Variants in ROBO2 observed in about 807,000 individuals in gnomAD.
ROBO2 encodes the protein roundabout homolog 2.
A neutral mutation model predicts 160.8 loss-of-function variants in ROBO2; 53 were observed. The ratio of observed to expected loss-of-function variants is 0.33; its 90% CI spans 0.26 to 0.41. The LOEUF is 0.41. Ranked by LOEUF, ROBO2 falls within the 10% of genes least tolerant of loss-of-function variation. ROBO2 has a pLI of 1.00. For missense variants in ROBO2, 1,577 were observed against 1,722.4 expected, an observed-to-expected ratio of 0.92 and a Z score of 1.49; for synonymous variants, 664 against 611.7, an observed-to-expected ratio of 1.09 and a Z score of -1.26.
At position 76,448,885 on chromosome 3, in the gene ROBO2, A is replaced by G. The variant is rs559010249; in HGVS notation, c.109+511283A>G. On this transcript the variant is annotated intron_variant, in intron 2 of 26. Transcript: ENST00000487694. ...GTGGTGGGATCACTAGTGAAATACAAGTCTAAATCACTGCATCCCTATTCA... is the reference window on the plus strand; with the variant it reads ...GTGGTGGGATCACTAGTGAAATACAGGTCTAAATCACTGCATCCCTATTCA... Among the ~76,000 whole-genome samples the G allele has an allele frequency of 2.6e-5, 4 of 152,260 alleles. No homozygotes were observed. The East Asian group carries it at 7.7e-4, about 29-fold the overall frequency.
intron 2 of ROBO2, among the ~76,000 whole-genome samples, chr3:77,213,866 G>T (rs919841227): frequency 6.6e-6 from 1 of 151,982 alleles, no homozygotes; most frequent in Non-Finnish European, 1.5e-5. Flanking sequence ...CAGGTTGTTT[G>T]GTTTCCATGT....
intron 6 of ROBO2, among the ~76,000 whole-genome samples, chr3:77,533,382 A>C (rs2091888641): frequency 6.6e-6 from 1 of 152,176 alleles, no homozygotes; most frequent in South Asian, 2.1e-4. Flanking sequence ...TATAGGTCCC[A>C]AATGCAGGCA....
chr3:77,322,875 G>GTATTATAATATATTATA lies in ROBO2; in HGVS notation c.389-154537_389-154536insTTATAATATATTATATA, dbSNP rs2064901807. Among the ~76,000 whole-genome samples, 5 of 49,814 alleles carry GTATTATAATATATTATA rather than the reference G, an allele frequency of 1.0e-4. 2 individuals are homozygous for GTATTATAATATATTATA. Among genetic ancestry groups the GTATTATAATATATTATA allele is most frequent in the Non-Finnish European group, 1.6e-4 (4 of 24,874 alleles). 32.7% of individuals were successfully genotyped at this position (49,814 alleles called of 152,430 possible). The stretch of plus-strand genomic sequence containing the variant: ...ATACATATGTATTATAATATATTAT[G>GTATTATAATATATTATA]TAATATATTATATTATACATATATT... On this transcript the variant is annotated intron_variant, in intron 2 of 25. Coordinates refer to ENST00000461745, the Ensembl canonical transcript of ROBO2.
intron 2 of ROBO2, among the ~76,000 whole-genome samples, chr3:76,449,014 G>A (rs531873362): frequency 6.6e-6 from 1 of 152,058 alleles, no homozygotes; most frequent in South Asian, 2.1e-4. Context: ...AAGGAAAAAC[G>A]GAAATATAAA....
At chr3:76,412,962 C>G (rs1203379263) in intron 2 of ROBO2, among the ~76,000 whole-genome samples, 1 of 152,190 alleles carries the variant, frequency 6.6e-6, no homozygotes, top group African/African-American at 2.4e-5. Flanking sequence ...GAGGGCCCCA[C>G]CAGGTGTTGC....
intron 2 of ROBO2, among the ~76,000 whole-genome samples, chr3:77,458,970 C>T (rs920931708): frequency 3.3e-5 from 5 of 152,136 alleles, no homozygotes; most frequent in African/African-American, 1.2e-4. Context: ...AACCTGCCCA[C>T]CTCACAGGGT....
chr3:76,985,638 G>A (rs2060339874), intron 2 of ROBO2, among the ~76,000 whole-genome samples: 1 of 140,378 alleles, frequency 7.1e-6, no homozygotes, highest in African/African-American at 2.7e-5. Flanking sequence ...AAAAAACGGA[G>A]CAGTTCATTT....
chr3:76,165,058 TA>T (rs201175336), intron 2 of ROBO2, among the ~76,000 whole-genome samples: 1 of 7,072 alleles, frequency 1.4e-4, no homozygotes, highest in African/African-American at 1.5e-4. Context: ...ACAGTCTACA[TA>T]TTTTTTTTTT....
intron 2 of ROBO2, among the ~76,000 whole-genome samples, chr3:76,475,708 GT>G (rs1177388106): frequency 6.6e-6 from 1 of 152,150 alleles, no homozygotes; most frequent in Non-Finnish European, 1.5e-5. Context: ...CTAAGAAGAC[GT>G]GAAGTAACCT....
At chr3:76,068,390 C>T (rs1425902146) in intron 2 of ROBO2, among the ~76,000 whole-genome samples, 3 of 152,104 alleles carry the variant, frequency 2.0e-5, no homozygotes, top group African/African-American at 7.2e-5. Flanking sequence ...CCAGCCATAC[C>T]TTATGATCTG....
chr3:76,892,574 G>A (rs1459651294), intron 2 of ROBO2, among the ~76,000 whole-genome samples: 1 of 152,040 alleles, frequency 6.6e-6, no homozygotes, highest in Non-Finnish European at 1.5e-5. Context: ...CTGGTCCAAC[G>A]TAACGAACAC....
chr3:76,435,141 G>T (rs1185232976), intron 2 of ROBO2: 9 of 993,842 alleles, frequency 9.1e-6, no homozygotes, highest in South Asian at 2.5e-5. Flanking sequence ...GCTTGGTCTG[G>T]TATTTGATGA....
chr3:76,818,916 C>A (rs1173136198), intron 2 of ROBO2, among the ~76,000 whole-genome samples: 1 of 151,930 alleles, frequency 6.6e-6, no homozygotes, highest in African/African-American at 2.4e-5. Context: ...GTTCTTTTTG[C>A]TTAGTCTTGC....
chr3:76,158,997 G>A (rs981155296), intron 2 of ROBO2, among the ~76,000 whole-genome samples: 6 of 152,142 alleles, frequency 3.9e-5, no homozygotes, highest in African/African-American at 1.4e-4. Flanking sequence ...AGAATTATAA[G>A]TGCAGAATGC....
chr3:76,784,841 A>G (rs1313327297), intron 2 of ROBO2, among the ~76,000 whole-genome samples: 1 of 151,134 alleles, frequency 6.6e-6, no homozygotes, highest in Non-Finnish European at 1.5e-5. Flanking sequence ...TGATTCCCTC[A>G]GTGTCCTGGG....
chr3:75,994,752 A>G (rs1559814479), intron 2 of ROBO2, among the ~76,000 whole-genome samples: 2 of 152,222 alleles, frequency 1.3e-5, no homozygotes, highest in East Asian at 3.9e-4. Context: ...ACTGAGTAAT[A>G]GGCAGAAGTT....
chr3:76,715,656 G>A (rs937177369), intron 2 of ROBO2, among the ~76,000 whole-genome samples: 16 of 152,204 alleles, frequency 1.1e-4, no homozygotes, highest in African/African-American at 3.9e-4. Context: ...AACTACTAAA[G>A]GTCAGAGCCA....
chr3:76,269,807 T>C (rs1707322910), intron 2 of ROBO2, among the ~76,000 whole-genome samples: 1 of 151,996 alleles, frequency 6.6e-6, no homozygotes, highest in Admixed American at 6.6e-5. Flanking sequence ...AAATCAATAC[T>C]TACCTGCAAG....
chr3:76,837,484 T>C (rs1012829268), intron 2 of ROBO2, among the ~76,000 whole-genome samples: 15 of 151,772 alleles, frequency 9.9e-5, no homozygotes, highest in African/African-American at 3.6e-4. Flanking sequence ...AATACGGTGT[T>C]CCTATCATTT....
Sources: allele counts gnomAD v4.1 joint callset (sites outside exome capture counted in the v4.1 genomes callset), GRCh38; gene constraint gnomAD v4.1.1; transcripts MANE v1.5; gene names NCBI Gene and HGNC (gene_info 2026-07-23, HGNC 2026-07-21).